Variants in DACH2 observed in about 807,000 individuals in gnomAD.
The protein encoded by DACH2 is dachshund homolog 2.
DACH2 carries 17 observed loss-of-function variants against 35.8 expected under a neutral mutation model. The ratio of observed to expected loss-of-function variants is 0.48; its 90% CI spans 0.33 to 0.71. DACH2 has a LOEUF of 0.71. Among genes scored for constraint, DACH2 ranks in the 30% least tolerant of loss-of-function variants. The pLI is 0.02. For missense variants in DACH2, 469 were observed against 472.7 expected (o/e 0.99, Z 0.07); for synonymous variants, 195 against 177.3 (o/e 1.10, Z -0.79).
At chrX:86,437,803 GA>G (rs1374890510) in intron 2 of DACH2, among the ~76,000 whole-genome samples, 6 of 109,887 alleles carry the variant, frequency 5.5e-5, no homozygotes, top group African/African-American at 2.0e-4. Context: ...CCAGTTGTGG[GA>G]TTACTGGTAG....
At chrX:86,369,156 T>C (rs2035849270) in intron 1 of DACH2, among the ~76,000 whole-genome samples, 1 of 110,874 alleles carries the variant, frequency 9.0e-6, no homozygotes, top group African/African-American at 3.3e-5. Flanking sequence ...AAATATGAGA[T>C]TTTGAACCTG....
At chrX:86,220,414 A>G (rs2032682875) in intron 1 of DACH2, among the ~76,000 whole-genome samples, 1 of 110,314 alleles carries the variant, frequency 9.1e-6, no homozygotes, top group African/African-American at 3.3e-5. Flanking sequence ...CCACCATTCT[A>G]CTCTCTGCTT....
chrX:86,722,337 T>C (rs754447825), intron 6 of DACH2, among the ~76,000 whole-genome samples: 1 of 110,943 alleles, frequency 9.0e-6, no homozygotes, highest in South Asian at 3.9e-4. Flanking sequence ...TAATATATCT[T>C]ATTTATGTAT....
At chrX:86,543,617 G>A (rs893623291) in intron 3 of DACH2, among the ~76,000 whole-genome samples, 3 of 110,546 alleles carry the variant, frequency 2.7e-5, no homozygotes, top group Admixed American at 9.6e-5. Flanking sequence ...AGATGAAATG[G>A]CCATTCAAAG....
chrX:86,681,693 G>A (rs2040884138), intron 4 of DACH2, among the ~76,000 whole-genome samples: 3 of 28,843 alleles, frequency 1.0e-4, no homozygotes, highest in South Asian at 1.5e-3. Flanking sequence ...TCTACTTGTG[G>A]CATTTTTATT....
chrX:86,441,550 C>A (rs2148183800), intron 2 of DACH2, among the ~76,000 whole-genome samples: 1 of 103,321 alleles, frequency 9.7e-6, no homozygotes, highest in African/African-American at 3.5e-5. Flanking sequence ...TTAATCTGTT[C>A]ATGAACACAA....
At chrX:86,336,077 C>T (rs1476042652) in intron 1 of DACH2, among the ~76,000 whole-genome samples, 1 of 111,761 alleles carries the variant, frequency 8.9e-6, no homozygotes, top group Non-Finnish European at 1.9e-5. Flanking sequence ...TTTGAACCAG[C>T]CTTGCTTCCC....
At chrX:86,283,659 A>T (rs972027773) in intron 1 of DACH2, among the ~76,000 whole-genome samples, 1 of 107,639 alleles carries the variant, frequency 9.3e-6, no homozygotes, top group African/African-American at 3.4e-5. Flanking sequence ...TCTCACTCAT[A>T]AATGGGGTTT....
intron 1 of DACH2, among the ~76,000 whole-genome samples, chrX:86,268,490 ATTTATTTTAT>A (rs200042636): frequency 0.16 from 12,214 of 76,993 alleles, 1,094 homozygotes; most frequent in African/African-American, 0.27. Context: ...CATTTAAAAC[ATTTATTTTAT>A]TTTATTTTAT....
At chrX:86,235,374 C>G (rs1012289504) in intron 1 of DACH2, among the ~76,000 whole-genome samples, 2 of 112,475 alleles carry the variant, frequency 1.8e-5, no homozygotes, top group African/African-American at 6.5e-5. Flanking sequence ...CCATGTACAG[C>G]TATACAGTAC....
chrX:86,310,939 G>A (rs1001849745), intron 1 of DACH2, among the ~76,000 whole-genome samples: 3 of 111,153 alleles, frequency 2.7e-5, no homozygotes, highest in Non-Finnish European at 5.7e-5. Context: ...GAACAAAGAG[G>A]CCATGGTGGC....
intron 1 of DACH2, among the ~76,000 whole-genome samples, chrX:86,238,559 T>C (rs68035326): frequency 0.085 from 9,503 of 111,350 alleles, 1,026 homozygotes; most frequent in African/African-American, 0.29. Flanking sequence ...GCATAAGTCA[T>C]TGCCCATTTA....
chrX:86,328,536 G>T (rs16980536), intron 1 of DACH2, among the ~76,000 whole-genome samples: 25,561 of 110,682 alleles, frequency 0.23, 3,878 homozygotes, highest in African/African-American at 0.55. Flanking sequence ...TTTCCCGAGA[G>T]GAACAAAATG....
At chrX:86,572,049 C>T (rs2039377341) in intron 3 of DACH2, among the ~76,000 whole-genome samples, 1 of 110,639 alleles carries the variant, frequency 9.0e-6, no homozygotes, top group Non-Finnish European at 1.9e-5. Context: ...TCAATGAGAA[C>T]ACTTGGACAC....
At chrX:86,295,142 C>T (rs760355806) in intron 1 of DACH2, among the ~76,000 whole-genome samples, 5 of 110,858 alleles carry the variant, frequency 4.5e-5, no homozygotes, top group Admixed American at 2.9e-4. Flanking sequence ...TTAAGCCCAT[C>T]GGAAAAGCAC....
chrX:86,522,856 T>C (rs1430193451), intron 3 of DACH2, among the ~76,000 whole-genome samples: 1 of 111,759 alleles, frequency 8.9e-6, no homozygotes, highest in East Asian at 2.8e-4. Flanking sequence ...CATCCTTCTC[T>C]GTATCTCTGC....
chrX:86,729,076 C>T (rs2148471502), intron 6 of DACH2, among the ~76,000 whole-genome samples: 1 of 112,225 alleles, frequency 8.9e-6, no homozygotes, highest in African/African-American at 3.2e-5. Context: ...TATGGAAAAG[C>T]CACAGATGCA....
At chrX:86,677,479 T>C (rs1039437022) in intron 4 of DACH2, among the ~76,000 whole-genome samples, 1 of 112,089 alleles carries the variant, frequency 8.9e-6, no homozygotes, top group Non-Finnish European at 1.9e-5. Flanking sequence ...TGGACCACAA[T>C]TACGGTAAAA....
At chrX:86,415,740 A>T (rs1158183078) in intron 2 of DACH2, among the ~76,000 whole-genome samples, 8 of 112,388 alleles carry the variant, frequency 7.1e-5, no homozygotes, top group Non-Finnish European at 1.9e-5. Flanking sequence ...GAGAAAATAC[A>T]TGGCTCTCAC....
Sources: gnomAD v4.1 joint callset for allele counts (sites outside exome capture counted in the v4.1 genomes callset) on GRCh38, gnomAD v4.1.1 for gene constraint, MANE v1.5 for transcripts, NCBI Gene and HGNC (gene_info 2026-07-23, HGNC 2026-07-21) for gene names.